ACOT7: variants seen among roughly 807,000 people sequenced by gnomAD.
ACOT7 encodes cytosolic acyl coenzyme A thioester hydrolase.
ACOT7 carries 12 observed loss-of-function variants against 40.2 expected under a neutral mutation model. The observed-to-expected ratio is 0.30, with a 90% CI of 0.19 to 0.48. The LOEUF (loss-of-function observed/expected upper bound fraction) is 0.48, where lower values mean the gene tolerates loss of function less well. ACOT7 is among the 20% of genes least tolerant of loss of function. ACOT7 has a pLI of 0.99. For missense variants in ACOT7, 395 were observed against 530.8 expected (o/e 0.74, Z 2.51); for synonymous variants, 228 against 219.5 (o/e 1.04, Z -0.34).
Position 6,294,117 on chromosome 1 carries a change from G to T in ACOT7, c.829+747C>A, listed in dbSNP as rs1327222028. Among the ~76,000 whole-genome samples, 1 of 152,252 alleles carries T rather than the reference G, an allele frequency of 6.6e-6. No individual in the cohort carries two copies. Among genetic ancestry groups the T allele is most frequent in the East Asian group, 1.9e-4 (1 of 5,200 alleles). On this transcript the variant is annotated intron_variant, in intron 7 of 8. Transcript: ENST00000361521. The surrounding 1 kb of genome is among the most constrained non-coding windows in gnomAD (Gnocchi z 4.6). ...GTCCTCAGAATCAGCACCAGGCCCT[G>T]ACGATGCTGACACCACCCTCGGTCT...
intron 1 of ACOT7, among the ~76,000 whole-genome samples, chr1:6,365,863 G>T (rs1641999598): frequency 6.6e-6 from 1 of 151,724 alleles, no homozygotes; most frequent in Non-Finnish European, 1.5e-5. Flanking sequence ...TTGCCTCGAT[G>T]TTGATGGCTG....
At chr1:6,271,438 G>C (rs772268632) in intron 8 of ACOT7, among the ~76,000 whole-genome samples, 5 of 152,204 alleles carry the variant, frequency 3.3e-5, no homozygotes, top group Non-Finnish European at 1.5e-5. Context: ...AATCACAAAA[G>C]CAATGAAAAC....
intron 6 of ACOT7, among the ~76,000 whole-genome samples, chr1:6,303,325 G>A (rs1395864921): frequency 6.6e-6 from 1 of 151,302 alleles, no homozygotes; most frequent in African/African-American, 2.4e-5. Flanking sequence ...CAAGAATTAC[G>A]GGGAAAAAAA....
Position 6,288,170 on chromosome 1 carries a change from C to G in ACOT7, c.829+6694G>C, listed in dbSNP as rs3789502. ...AGGCTCTCCCACTCTGTGGGTGCTA[C>G]CGGGCTCCACGTGCCTTCCCCTGTG... On this transcript the variant is annotated intron_variant, in intron 7 of 8. Coordinates refer to ENST00000361521, the MANE Select transcript of ACOT7 (RefSeq NM_007274.4). This position sits in a 1 kb window ranked among gnomAD's most constrained non-coding sequence, Gnocchi z 4.3. 0.37 allele frequency among the ~76,000 whole-genome samples: 55,877 copies of G among 152,152 alleles called. 15,211 individuals are homozygous for G. The highest frequency in any genetic ancestry group is 0.78 in the African/African-American group (32,297 of 41,496).
chr1:6,333,289 C>G (rs988253634), intron 4 of ACOT7, among the ~76,000 whole-genome samples, 188 bp downstream of exon 4: 4 of 152,258 alleles, frequency 2.6e-5, no homozygotes, highest in Non-Finnish European at 4.4e-5. Context: ...ACAGAAACTC[C>G]TGTGGAGCCA....
intron 6 of ACOT7, among the ~76,000 whole-genome samples, chr1:6,316,051 T>C (rs780440206): frequency 1.8e-4 from 27 of 152,190 alleles, no homozygotes; most frequent in Non-Finnish European, 3.2e-4. Flanking sequence ...GTGTGGACTT[T>C]TCAGCACGTA....
At chr1:6,324,015 G>C (rs954729425) in intron 5 of ACOT7, among the ~76,000 whole-genome samples, 1 of 151,886 alleles carries the variant, frequency 6.6e-6, no homozygotes, top group East Asian at 2.0e-4. Flanking sequence ...TGTCACACCT[G>C]TTAGAAAGAC....
chr1:6,330,926 C>T lies in ACOT7; in HGVS notation c.510+2551G>A, dbSNP rs535785254. The stretch of plus-strand genomic sequence containing the variant: ...CTGGGTAGCATCTGAAAATTAAATC[C>T]GTTAAATGCTATGTCTCAATATTTA... On this transcript the variant is annotated intron_variant, in intron 4 of 8. Coordinates refer to ENST00000361521, the MANE Select transcript of ACOT7 (RefSeq NM_007274.4). This position sits in a 1 kb window ranked among gnomAD's most constrained non-coding sequence, Gnocchi z 4.6. Among the ~76,000 whole-genome samples, 2 of 152,292 alleles carry T rather than the reference C, an allele frequency of 1.3e-5. No homozygotes were observed. The highest frequency in any genetic ancestry group is 6.5e-5 in the Admixed American group (1 of 15,302).
At position 6,266,769 on chromosome 1, in the gene ACOT7, C is replaced by T. The variant is rs538349115; in HGVS notation, c.1015-2074G>A. 1.3e-4 allele frequency among the ~76,000 whole-genome samples: 20 copies of T among 152,384 alleles called. No individual in the cohort carries two copies. The South Asian group carries it at 3.5e-3, about 27-fold the overall frequency. On this transcript the variant is annotated intron_variant, in intron 8 of 8. Transcript: ENST00000361521. ...GGCCGAGGCTCAGCAGAGGAGCGGCCGCCCACAGCCTGGCTTCCTGCCTAC... is the reference window on the plus strand; with the variant it reads ...GGCCGAGGCTCAGCAGAGGAGCGGCTGCCCACAGCCTGGCTTCCTGCCTAC...
At chr1:6,303,328 G>GA (rs928869536) in intron 6 of ACOT7, among the ~76,000 whole-genome samples, 8 of 146,914 alleles carry the variant, frequency 5.4e-5, no homozygotes, top group Non-Finnish European at 1.1e-4. Context: ...GAATTACGGG[G>GA]AAAAAAAAAA....
intron 1 of ACOT7, among the ~76,000 whole-genome samples, chr1:6,362,355 CAG>C: frequency 6.6e-6 from 1 of 151,730 alleles, no homozygotes; most frequent in South Asian, 2.1e-4. Flanking sequence ...CGCTTGAACC[CAG>C]GAGGCAGAGG....
chr1:6,344,703 G>T (rs541549124), intron 2 of ACOT7, among the ~76,000 whole-genome samples: 19 of 144,990 alleles, frequency 1.3e-4, no homozygotes, highest in African/African-American at 4.9e-4. Flanking sequence ...GGCAGAGGTT[G>T]CAGTGAGCTG....
At position 6,278,288 on chromosome 1, in the gene ACOT7, C is replaced by T. The variant is rs1030926143; in HGVS notation, c.1014+2814G>A. ...CACACCCAGGGCATGGAGGAGCCAC[C>T]GTGCATTTCGGTGGGAGAGGGAGCA... On this transcript the variant is annotated intron_variant, in intron 8 of 8. Coordinates refer to ENST00000361521, the MANE Select transcript of ACOT7 (RefSeq NM_007274.4). The surrounding 1 kb of genome is among the most constrained non-coding windows in gnomAD (Gnocchi z 4.1). 2.0e-5 allele frequency among the ~76,000 whole-genome samples: 3 copies of T among 152,110 alleles called. No individual in the cohort carries two copies. Among genetic ancestry groups the T allele is most frequent in the South Asian group, 2.1e-4 (1 of 4,826 alleles).
rs1557642426 is a variant in ACOT7, at chr1:6,306,229, AG to A, written c.713-11250del. On this transcript the variant is annotated intron_variant, in intron 6 of 8. Coordinates refer to ENST00000361521, the MANE Select transcript of ACOT7 (RefSeq NM_007274.4). The surrounding 1 kb of genome is among the most constrained non-coding windows in gnomAD (Gnocchi z 4.3). ...GGGAGAGGGGGAGGGGGAGGGGGAG[AG>A]GGAGAGGACGTTCTTACGGTTCATG... is the stretch of plus-strand genomic sequence containing the variant. The A allele has an allele frequency of 9.8e-6, 8 of 816,232 alleles. No homozygotes were observed. The Admixed American group carries it at 4.2e-4, about 43-fold the overall frequency. The allele number at this position is 816,232 out of a possible 1,614,324, so 50.6% of individuals were successfully genotyped here.
chr1:6,374,314 C>A (rs570912866), intron 1 of ACOT7, among the ~76,000 whole-genome samples: 1 of 152,356 alleles, frequency 6.6e-6, no homozygotes, highest in South Asian at 2.1e-4. Flanking sequence ...CTGGTTAAAG[C>A]CCTCCCACAG....
intron 4 of ACOT7, among the ~76,000 whole-genome samples, chr1:6,329,864 G>A (rs531032071): frequency 2.0e-5 from 3 of 152,218 alleles, no homozygotes; most frequent in East Asian, 1.9e-4. Flanking sequence ...CCAGGGCTGC[G>A]GCTGCCCCTC....
At position 6,301,928 on chromosome 1, in the gene ACOT7, A is replaced by G. The variant is rs1193127545; in HGVS notation, c.713-6948T>C. 6.6e-6 allele frequency among the ~76,000 whole-genome samples: 1 copy of G among 152,230 alleles called. No individual in the cohort carries two copies. Among genetic ancestry groups the G allele is most frequent in the African/African-American group, 2.4e-5 (1 of 41,460 alleles). On this transcript the variant is annotated intron_variant, in intron 6 of 8. Transcript: ENST00000361521. The surrounding 1 kb of genome is among the most constrained non-coding windows in gnomAD (Gnocchi z 4.1). ...CACGCACCGGCCTGGGAAACCACGC[A>G]GAGTTTAGATCAGCGGCAGACCTGC... is the stretch of plus-strand genomic sequence containing the variant.
intron 6 of ACOT7, among the ~76,000 whole-genome samples, chr1:6,300,520 C>G (rs981074695): frequency 1.3e-5 from 2 of 150,944 alleles, no homozygotes; most frequent in Admixed American, 6.6e-5. Context: ...TGCACAAGGC[C>G]GGCCCTCTCC....
intron 1 of ACOT7, among the ~76,000 whole-genome samples, chr1:6,364,729 T>A (rs1382654278): frequency 2.0e-5 from 3 of 148,536 alleles, no homozygotes; most frequent in Non-Finnish European, 4.4e-5. Flanking sequence ...TCACCTGTAG[T>A]CCCAGCTACT....
Sources: allele counts gnomAD v4.1 joint callset (sites outside exome capture counted in the v4.1 genomes callset), GRCh38; gene constraint gnomAD v4.1.1; non-coding constraint Gnocchi (gnomAD v3.1); transcripts MANE v1.5; gene names NCBI Gene and HGNC (gene_info 2026-07-23, HGNC 2026-07-21).